The following ERP27 variants were observed in gnomAD, a reference collection of about 807,000 sequenced individuals.
ERP27 encodes endoplasmic reticulum resident protein 27.
ERP27 carries 23 observed loss-of-function variants against 27.7 expected under a neutral mutation model. The observed-to-expected ratio is 0.83, with a 90% CI of 0.60 to 1.18. The LOEUF (loss-of-function observed/expected upper bound fraction) is 1.18. Among genes scored for constraint, ERP27 ranks in the 50% most tolerant of loss-of-function variants. The pLI, the probability that ERP27 is intolerant of heterozygous loss-of-function variation, is 0.00. For missense variants in ERP27, 363 were observed against 327.9 expected, an observed-to-expected ratio of 1.11 and a Z score of -0.83; for synonymous variants, 159 against 118.3, an observed-to-expected ratio of 1.34 and a Z score of -2.23.
Position 14,914,559 on chromosome 12 carries a change from T to C in ERP27, c.*176A>G. On this transcript the variant is annotated 3_prime_UTR_variant, in exon 7 of 7. Coordinates refer to ENST00000266397, the MANE Select transcript of ERP27 (RefSeq NM_152321.4). ...GATTTTAAGACAGGAAATGAAGCTC[T>C]GTGTGTGTGTGTGTGTGTGCGTGTG... 1 of 362,320 alleles carries C rather than the reference T, an allele frequency of 2.8e-6. No homozygotes were observed. Among genetic ancestry groups the C allele is most frequent in the Non-Finnish European group, 4.9e-6 (1 of 204,522 alleles). 22.4% of individuals were successfully genotyped at this position (362,320 alleles called of 1,614,324 possible).
chr12:14,937,906 G>A, intron 2 of ERP27, 46 bp downstream of exon 2: 2 of 1,553,244 alleles, frequency 1.3e-6, no homozygotes, highest in Non-Finnish European at 1.8e-6. Flanking sequence ...TTCCCTTAAG[G>A]TAGAACATTT....
chr12:14,917,063 G>T (rs933887710), intron 5 of ERP27, 115 bp downstream of exon 5: 16 of 1,229,504 alleles, frequency 1.3e-5, no homozygotes, highest in Non-Finnish European at 1.5e-5. Context: ...TTCTTGCTTT[G>T]CTATCTCCTA....
Position 14,938,490 on chromosome 12 carries a change from T to C in ERP27, c.19A>G (p.Arg7Gly). Residue 7 changes from arginine (R) to glycine (G), a missense_variant, in exon 1 of 7, where the codon AGG becomes GGG. Coordinates refer to ENST00000266397, the MANE Select transcript of ERP27 (RefSeq NM_152321.4). MEAAPS[R>G]FMFLLFLLTC... ...AGGAGAAATAAGAGGAACATGAACC[T>C]GGACGGGGCAGCTTCCATTGTCCCT... The C allele has an allele frequency of 6.2e-7, 1 of 1,613,198 alleles. No individual in the cohort carries two copies. The highest frequency in any genetic ancestry group is 8.5e-7 in the Non-Finnish European group (1 of 1,179,588).
In ERP27 at chr12:14,935,567, G is replaced by A. The variant is rs578201362; in HGVS notation, c.196-574C>T. Among the ~76,000 whole-genome samples, 3 of 152,282 alleles carry A rather than the reference G, an allele frequency of 2.0e-5. No individual in the cohort carries two copies. In the South Asian group the frequency reaches 6.2e-4, roughly 32 times the overall value. ...TATGTAGTGCTACAGATTTATAGGT[G>A]CCTTGTGACCTGACCAAGGACAAAG... is the stretch of plus-strand genomic sequence containing the variant. On this transcript the variant is annotated intron_variant, in intron 2 of 6. Transcript: ENST00000266397.
At chr12:14,925,224 C>T (rs1196787432) in intron 3 of ERP27, among the ~76,000 whole-genome samples, 1 of 152,174 alleles carries the variant, frequency 6.6e-6, no homozygotes, top group Non-Finnish European at 1.5e-5. Flanking sequence ...ATCAGGACCC[C>T]TTTTCACTAA....
intron 5 of ERP27, among the ~76,000 whole-genome samples, chr12:14,916,955 C>A (rs550334197): frequency 6.6e-6 from 1 of 152,276 alleles, no homozygotes; most frequent in South Asian, 2.1e-4. Context: ...GGAAAAAACC[C>A]ACACTTAATC....
At chr12:14,922,118 TTTAGTACATA>T (rs2120566555) in intron 3 of ERP27, among the ~76,000 whole-genome samples, 1 of 152,322 alleles carries the variant, frequency 6.6e-6, no homozygotes, top group Non-Finnish European at 1.5e-5. Flanking sequence ...CTTCTTGACT[TTTAGTACATA>T]TATGCCTCTG....
intron 3 of ERP27, among the ~76,000 whole-genome samples, chr12:14,922,735 T>C (rs1863524457): frequency 6.6e-6 from 1 of 152,224 alleles, no homozygotes. Context: ...TCTTTCACAA[T>C]AGATCTAAAA....
At position 14,931,701 on chromosome 12, in the gene ERP27, T is replaced by G. The variant is rs1198306603; in HGVS notation, c.333+3155A>C. On this transcript the variant is annotated intron_variant, in intron 3 of 6. Transcript: ENST00000266397. Reference sequence around the variant, plus strand: ...AGGAATAAATTGTAAGCAACGCCAGTGCTCCTGTTAGAGGATGTTAAACCT... The same window carrying G: ...AGGAATAAATTGTAAGCAACGCCAGGGCTCCTGTTAGAGGATGTTAAACCT... Among the ~76,000 whole-genome samples, 3 of 152,072 alleles carry G rather than the reference T, an allele frequency of 2.0e-5. No individual in the cohort carries two copies. In the East Asian group the frequency reaches 5.8e-4, roughly 29 times the overall value.
intron 3 of ERP27, among the ~76,000 whole-genome samples, chr12:14,930,349 G>A (rs1327148902): frequency 6.6e-6 from 1 of 152,182 alleles, no homozygotes; most frequent in African/African-American, 2.4e-5. Context: ...AGGAATAAAG[G>A]ATGACTGCAC....
intron 3 of ERP27, among the ~76,000 whole-genome samples, chr12:14,933,331 T>C (rs1207760303): frequency 6.6e-6 from 1 of 152,182 alleles, no homozygotes; most frequent in Admixed American, 6.5e-5. Flanking sequence ...AGTAGTTTCC[T>C]AGAATTCAAG....
chr12:14,936,598 C>A (rs1329030208), intron 2 of ERP27, among the ~76,000 whole-genome samples: 1 of 152,132 alleles, frequency 6.6e-6, no homozygotes, highest in African/African-American at 2.4e-5. Flanking sequence ...TAAATGTAAT[C>A]CCCATAATCC....
Position 14,934,954 on chromosome 12 carries a change from C to A in ERP27, c.235G>T (p.Val79Leu). The part of the protein sequence containing the change: ...IPAVPILHSM[V>L]QKFPGVSFGI... The stretch of plus-strand genomic sequence containing the variant: ...AATGACACGCCTGGGAATTTTTGCA[C>A]CATGCTATGGAGTATGGGCACTGCT... The change falls in exon 3 of 7, where the codon GTG (valine) becomes TTG (leucine). Residue 79 changes from valine (V) to leucine (L), a missense_variant. Val to Leu is a conservative substitution (Grantham distance 32). Transcript: ENST00000266397. 6.2e-7 allele frequency: 1 copy of A among 1,614,080 alleles called. No homozygotes were observed. The highest frequency in any genetic ancestry group is 2.2e-5 in the East Asian group (1 of 44,884).
intron 3 of ERP27, among the ~76,000 whole-genome samples, chr12:14,928,613 T>G (rs1863647710): frequency 1.3e-5 from 2 of 152,228 alleles, no homozygotes; most frequent in African/African-American, 4.8e-5. Flanking sequence ...TTTATACAAT[T>G]TAAATTTATG....
At chr12:14,934,396 A>C (rs1444644506) in intron 3 of ERP27, among the ~76,000 whole-genome samples, 1 of 152,166 alleles carries the variant, frequency 6.6e-6, no homozygotes, top group Non-Finnish European at 1.5e-5. Context: ...GAGACTGGAG[A>C]ATATATTTAA....
At chr12:14,921,620 G>A (rs978240263) in intron 3 of ERP27, among the ~76,000 whole-genome samples, 20 of 152,158 alleles carry the variant, frequency 1.3e-4, no homozygotes, top group African/African-American at 4.8e-4. Flanking sequence ...CCCTTTTACT[G>A]TGAAATAAAA....
Position 14,938,048 on chromosome 12 carries a change from A to T in ERP27, c.99T>A (p.Gly33=), listed in dbSNP as rs746321476. ...ACGTGGGTTCCTGGGCAGCACCAGG[A>T]CCATCTAGAGAGAGAAGCAGAAGAT... ...VAAEVEKSSD[G]PGAAQEPTWL... is the part of the protein sequence containing the mutation. The change falls in exon 2 of 7, where the codon GGT becomes GGA. Residue 33 remains glycine, a synonymous_variant. Coordinates refer to ENST00000266397, the MANE Select transcript of ERP27 (RefSeq NM_152321.4). 2 of 1,613,790 alleles carry T rather than the reference A, an allele frequency of 1.2e-6. No homozygotes were observed. Among genetic ancestry groups the T allele is most frequent in the African/African-American group, 2.7e-5 (2 of 74,928 alleles).
intron 2 of ERP27, among the ~76,000 whole-genome samples, chr12:14,936,603 T>C (rs1863777262): frequency 1.3e-5 from 2 of 152,118 alleles, no homozygotes; most frequent in Admixed American, 6.5e-5. Flanking sequence ...GTAATCCCCA[T>C]AATCCCCACA....
intron 3 of ERP27, chr12:14,928,854 C>A: frequency 7.6e-7 from 1 of 1,321,162 alleles, no homozygotes; most frequent in South Asian, 1.3e-5. Flanking sequence ...CCTTCCCTTG[C>A]CCATATCAAG....
Sources: allele counts gnomAD v4.1 joint callset (sites outside exome capture counted in the v4.1 genomes callset), GRCh38; gene constraint gnomAD v4.1.1; transcripts MANE v1.5; gene names NCBI Gene and HGNC (gene_info 2026-07-23, HGNC 2026-07-21).